GOLM1: variants seen among roughly 807,000 people sequenced by gnomAD.
GOLM1 encodes the protein golgi membrane protein 1, also known as epididymis luminal protein 46.
Under a neutral mutation model 50.5 loss-of-function variants are expected in GOLM1, and 31 were observed. That is an observed-to-expected ratio of 0.61 (90% CI 0.46 to 0.83). GOLM1 has a LOEUF of 0.83. Among genes scored for constraint, GOLM1 ranks in the 40% least tolerant of loss-of-function variants. The pLI is 0.00. For missense variants in GOLM1, 491 were observed against 501.3 expected, an observed-to-expected ratio of 0.98 and a Z score of 0.20; for synonymous variants, 178 against 192.8, an observed-to-expected ratio of 0.92 and a Z score of 0.64.
chr9:86,034,463 C>T (rs1163735403), intron 8 of GOLM1, among the ~76,000 whole-genome samples: 2 of 152,116 alleles, frequency 1.3e-5, no homozygotes, highest in Non-Finnish European at 2.9e-5. Flanking sequence ...GCTTTGTGAC[C>T]AGCCGCTGAG....
At chr9:86,058,465 T>C (rs1469032769) in intron 3 of GOLM1, among the ~76,000 whole-genome samples, 16 of 152,016 alleles carry the variant, frequency 1.1e-4, no homozygotes, top group Non-Finnish European at 2.9e-5. Context: ...TCCCAGCACT[T>C]TGGGAGGCCG....
At chr9:86,084,624 T>G (rs1587737799) in intron 1 of GOLM1, among the ~76,000 whole-genome samples, 1 of 152,316 alleles carries the variant, frequency 6.6e-6, no homozygotes, top group East Asian at 1.9e-4. Flanking sequence ...TATGTACTAT[T>G]TTCCAACCCT....
intron 3 of GOLM1, among the ~76,000 whole-genome samples, chr9:86,054,519 C>G (rs60040822): frequency 6.6e-6 from 1 of 152,138 alleles, no homozygotes; most frequent in African/African-American, 2.4e-5. Flanking sequence ...CCACTGCGCC[C>G]GGCCTCATGT....
At chr9:86,053,981 C>T (rs867447298) in intron 3 of GOLM1, among the ~76,000 whole-genome samples, 1 of 152,146 alleles carries the variant, frequency 6.6e-6, no homozygotes, top group Non-Finnish European at 1.5e-5. Flanking sequence ...AATGCAGTGG[C>T]CATTCCACTA....
intron 3 of GOLM1, among the ~76,000 whole-genome samples, chr9:86,053,534 CCAAACCACACCA>C (rs1833855964): frequency 7.8e-6 from 1 of 127,740 alleles, no homozygotes; most frequent in Non-Finnish European, 1.8e-5. Flanking sequence ...CCACTCCACA[CCAAACCACACCA>C]AACACACACT....
intron 4 of GOLM1, 21 bp downstream of exon 4, chr9:86,052,516 G>A (rs1379992105): frequency 1.2e-6 from 2 of 1,610,614 alleles, no homozygotes; most frequent in Admixed American, 1.7e-5. Flanking sequence ...TGCCTGGTGT[G>A]GAGGAGCGAG....
At chr9:86,062,618 G>C (rs1367707676) in intron 3 of GOLM1, among the ~76,000 whole-genome samples, 1 of 150,880 alleles carries the variant, frequency 6.6e-6, no homozygotes, top group Non-Finnish European at 1.5e-5. Flanking sequence ...GGCAAGAGGA[G>C]GATGGAGGGA....
chr9:86,080,429 CAG>C (rs1330567235), intron 1 of GOLM1, among the ~76,000 whole-genome samples: 2 of 152,088 alleles, frequency 1.3e-5, no homozygotes, highest in Non-Finnish European at 1.5e-5. Flanking sequence ...CCTTTGAGCA[CAG>C]AGAGCCTTTT....
intron 3 of GOLM1, among the ~76,000 whole-genome samples, chr9:86,074,020 A>G (rs1587729201): frequency 6.6e-6 from 1 of 152,058 alleles, no homozygotes; most frequent in East Asian, 1.9e-4. Flanking sequence ...TGAGGGATAT[A>G]ACACCTACCC....
intron 8 of GOLM1, 135 bp downstream of exon 8, chr9:86,035,233 G>A (rs1412490854): frequency 2.0e-6 from 3 of 1,518,078 alleles, no homozygotes; most frequent in East Asian, 2.3e-5. Context: ...ACCTTCAAAC[G>A]AAAAGGAATT....
chr9:86,094,526 G>A (rs1835293364), intron 1 of GOLM1, among the ~76,000 whole-genome samples: 1 of 152,224 alleles, frequency 6.6e-6, no homozygotes, highest in Non-Finnish European at 1.5e-5. Flanking sequence ...TGAATGTATA[G>A]TGGTAGGTAG....
At chr9:86,070,093 G>C (rs111450214) in intron 3 of GOLM1, among the ~76,000 whole-genome samples, 1 of 151,778 alleles carries the variant, frequency 6.6e-6, no homozygotes, top group Non-Finnish European at 1.5e-5. Context: ...CCATGTTGGC[G>C]AGGCTGGTCT....
At chr9:86,032,687 AG>A (rs1392391801) in intron 9 of GOLM1, among the ~76,000 whole-genome samples, 1 of 152,176 alleles carries the variant, frequency 6.6e-6, no homozygotes, top group East Asian at 1.9e-4. Flanking sequence ...TAATATCAAA[AG>A]GAAAATGGCC....
intron 7 of GOLM1, 74 bp downstream of exon 7, chr9:86,036,274 C>T (rs1833141724): frequency 6.7e-7 from 1 of 1,495,480 alleles, no homozygotes; most frequent in Admixed American, 1.7e-5. Flanking sequence ...ACTGCCTCAG[C>T]AGCTCGCTGG....
At chr9:86,090,143 G>T (rs1436762074) in intron 1 of GOLM1, among the ~76,000 whole-genome samples, 2 of 152,106 alleles carry the variant, frequency 1.3e-5, no homozygotes, top group Non-Finnish European at 2.9e-5. Flanking sequence ...GCACCCACTA[G>T]ATGCCAGCCG....
intron 4 of GOLM1, 145 bp downstream of exon 4, chr9:86,052,391 GC>G: frequency 1.4e-6 from 1 of 710,824 alleles, no homozygotes. Flanking sequence ...ATAGACTTAG[GC>G]AAAAAGAATA....
At chr9:86,062,992 A>G (rs890716867) in intron 3 of GOLM1, among the ~76,000 whole-genome samples, 2 of 152,176 alleles carry the variant, frequency 1.3e-5, no homozygotes, top group Admixed American at 1.3e-4. Context: ...CCCCTGAAGC[A>G]GCTCACACTG....
At chr9:86,082,110 G>C (rs1450337550) in intron 1 of GOLM1, among the ~76,000 whole-genome samples, 3 of 132,298 alleles carry the variant, frequency 2.3e-5, no homozygotes, top group African/African-American at 8.6e-5. Context: ...TTCACTGCAA[G>C]CTCCGCCTCC....
intron 6 of GOLM1, among the ~76,000 whole-genome samples, chr9:86,039,516 A>G (rs1833261284): frequency 6.6e-6 from 1 of 152,236 alleles, no homozygotes; most frequent in African/African-American, 2.4e-5. Context: ...ATTATTCATA[A>G]TAGCCAAAAC....
Sources: allele counts gnomAD v4.1 joint callset (sites outside exome capture counted in the v4.1 genomes callset), GRCh38; gene constraint gnomAD v4.1.1; transcripts MANE v1.5; gene names NCBI Gene and HGNC (gene_info 2026-07-23, HGNC 2026-07-21).